The following WASHC5 variants were observed in gnomAD, a reference collection of about 807,000 sequenced individuals.
WASHC5 encodes WASH complex subunit strumpellin.
A neutral mutation model predicts 150.4 loss-of-function variants in WASHC5; 101 were observed. That is an observed-to-expected ratio of 0.67 (90% CI 0.57 to 0.79). WASHC5 has a LOEUF of 0.79. Ranked by LOEUF, WASHC5 falls within the 30% of genes least tolerant of loss-of-function variation. The pLI, the probability that WASHC5 is intolerant of heterozygous loss-of-function variation, is 0.00. For synonymous variants in WASHC5, 467 were observed against 491.2 expected, an observed-to-expected ratio of 0.95 and a Z score of 0.65; for missense variants, 1,195 against 1,396.3, an observed-to-expected ratio of 0.86 and a Z score of 2.30.
At chr8:125,065,905 C>CT (rs1816732972) in intron 10 of WASHC5, among the ~76,000 whole-genome samples, 1 of 152,194 alleles carries the variant, frequency 6.6e-6, no homozygotes, top group Non-Finnish European at 1.5e-5. Flanking sequence ...GTGTGAGCCA[C>CT]TGCACTCGAC....
At chr8:125,064,402 A>G (rs1291868284) in intron 10 of WASHC5, among the ~76,000 whole-genome samples, 1 of 147,332 alleles carries the variant, frequency 6.8e-6, no homozygotes, top group Non-Finnish European at 1.5e-5. Flanking sequence ...TTTTTTTTGC[A>G]GAGATGGGGG....
chr8:125,064,512 G>A (rs1360458358), intron 10 of WASHC5, among the ~76,000 whole-genome samples: 2 of 151,380 alleles, frequency 1.3e-5, no homozygotes, highest in African/African-American at 4.9e-5. Context: ...ATGAGCCACT[G>A]TACCGCCTTA....
In WASHC5 at chr8:125,078,817, T is replaced by C. The variant is rs761542067; in HGVS notation, c.632A>G (p.Tyr211Cys). The change falls in exon 6 of 29, where the codon TAT becomes TGT. Residue 211 changes from tyrosine to cysteine, a missense_variant. This residue lies in a region of WASHC5 where 997 missense variants were observed against 1,168.1 expected (regional missense o/e 0.85). Transcript: ENST00000318410. Reference sequence around the variant, plus strand: ...TTCGTTGATAGGCACTCTCTGGAAATAGCTCTCGGGATAGTTGGATGGTCT... The same window carrying C: ...TTCGTTGATAGGCACTCTCTGGAAACAGCTCTCGGGATAGTTGGATGGTCT... The part of the protein sequence containing the change: ...AKRPSNYPES[Y>C]FQRVPINESF... The C allele has an allele frequency of 7.4e-6, 12 of 1,613,958 alleles. No homozygotes were observed. The highest frequency in any genetic ancestry group is 1.6e-4 in the Middle Eastern group (1 of 6,062).
At chr8:125,037,985 C>T (rs563441567) in intron 25 of WASHC5, among the ~76,000 whole-genome samples, 5 of 152,232 alleles carry the variant, frequency 3.3e-5, no homozygotes, top group African/African-American at 1.2e-4. Context: ...GTCAGACTGC[C>T]TGGCTCCTCC....
chr8:125,032,664 T>C (rs1815576203), intron 26 of WASHC5: 4 of 460,184 alleles, frequency 8.7e-6, no homozygotes, highest in South Asian at 2.1e-5. Flanking sequence ...AATTAACATA[T>C]ATTATTGTAG....
chr8:125,025,002 C>T (rs902713035), intron 28 of WASHC5, among the ~76,000 whole-genome samples: 1 of 152,078 alleles, frequency 6.6e-6, no homozygotes, highest in Admixed American at 6.6e-5. Context: ...ACCTAATACA[C>T]TTCATTAACT....
chr8:125,087,751 AT>A (rs1257326744), intron 1 of WASHC5, among the ~76,000 whole-genome samples: 2 of 142,546 alleles, frequency 1.4e-5, no homozygotes, highest in Admixed American at 7.2e-5. Context: ...AAAAAAAAAA[AT>A]TTTCTCACAT....
intron 1 of WASHC5, among the ~76,000 whole-genome samples, chr8:125,087,192 T>G (rs1248637526): frequency 2.0e-5 from 3 of 152,246 alleles, no homozygotes; most frequent in Non-Finnish European, 4.4e-5. Flanking sequence ...ATATTTCATT[T>G]TCTATAATGC....
At position 125,033,044 on chromosome 8, in the gene WASHC5, T is replaced by C. The variant is rs554662193; in HGVS notation, c.3182-650A>G. Among the ~76,000 whole-genome samples, 12 of 152,198 alleles carry C rather than the reference T, an allele frequency of 7.9e-5. No individual in the cohort carries two copies. The South Asian group carries it at 1.9e-3, about 24-fold the overall frequency. On this transcript the variant is annotated intron_variant, in intron 26 of 28. Coordinates refer to ENST00000318410, the MANE Select transcript of WASHC5 (RefSeq NM_014846.4). ...AATTCCAGGGCTCAAGCTGGGACTA[T>C]AGGTGTGTACCACTGCACCTGGCTC...
At chr8:125,073,410 G>A in intron 8 of WASHC5, 86 bp from the exon 9 acceptor site, 1 of 1,119,354 alleles carries the variant, frequency 8.9e-7, no homozygotes, top group Non-Finnish European at 1.3e-6. Flanking sequence ...CTGACAAATA[G>A]TAACATTTCT....
chr8:125,025,232 G>C (rs1406651590), intron 28 of WASHC5, among the ~76,000 whole-genome samples: 1 of 150,888 alleles, frequency 6.6e-6, no homozygotes, highest in African/African-American at 2.5e-5. Flanking sequence ...TGCTGGAGAT[G>C]AGTATTTTTT....
chr8:125,025,858 A>AC (rs10705586), intron 28 of WASHC5, among the ~76,000 whole-genome samples: 5 of 151,708 alleles, frequency 3.3e-5, no homozygotes, highest in African/African-American at 1.2e-4. Context: ...ACACACACAC[A>AC]ATCAAAATTA....
At position 125,059,543 on chromosome 8, in the gene WASHC5, CTG is replaced by C. The variant is rs767093657; in HGVS notation, c.1522-3_1522-2del. On this transcript the variant is annotated splice_acceptor_variant and splice_polypyrimidine_tract_variant and intron_variant, in intron 12 of 28. Transcript: ENST00000318410. LOFTEE classifies it high-confidence loss of function. ...ATTCCAACTGGTGGAATTCTTGAAC[CTG>C]TGTTACAGAAATATACTTAATTTAA... 28 of 1,611,518 alleles carry C rather than the reference CTG, an allele frequency of 1.7e-5. No individual in the cohort carries two copies. Among genetic ancestry groups the C allele is most frequent in the Non-Finnish European group, 2.4e-5 (28 of 1,178,044 alleles).
chr8:125,063,395 C>A, intron 11 of WASHC5, 127 bp downstream of exon 11: 1 of 1,058,980 alleles, frequency 9.4e-7, no homozygotes. Context: ...ATTAGCAACA[C>A]TAAAGATGGA....
intron 17 of WASHC5, among the ~76,000 whole-genome samples, chr8:125,052,996 A>G (rs1485449853): frequency 6.6e-6 from 1 of 152,216 alleles, no homozygotes; most frequent in Non-Finnish European, 1.5e-5. Flanking sequence ...TTTTATAATA[A>G]AGTATTGAAT....
chr8:125,059,521 C>G lies in WASHC5; in HGVS notation c.1543G>C (p.Glu515Gln), dbSNP rs1394493824. 5.6e-6 allele frequency: 9 copies of G among 1,613,650 alleles called. No individual in the cohort carries two copies. The highest frequency in any genetic ancestry group is 6.8e-6 in the Non-Finnish European group (8 of 1,179,860). ...AACTGACATACTTGCAGATTGGATT[C>G]CAACTGGTGGAATTCTTGAACCTGT... ...LEEVQEFHQL[E>Q]SNLQVCQFLA... Residue 515 changes from glutamate (E) to glutamine (Q), a missense_variant, in exon 13 of 29, where the codon GAA becomes CAA. Coordinates refer to ENST00000318410, the MANE Select transcript of WASHC5 (RefSeq NM_014846.4).
At position 125,043,849 on chromosome 8, in the gene WASHC5, A is replaced by G. The variant is rs774756574; in HGVS notation, c.2826T>C (p.Thr942=). ...CCTTCATTATAGCCTCGAGATACGC[A>G]GTCCAAATCTTCTGTGTTTTGGCAA... ...SAIAKTQKIW[T]AYLEAIMKVG... The change falls in exon 23 of 29, where the codon ACT becomes ACC. Residue 942 remains threonine, a synonymous_variant. Transcript: ENST00000318410. 1 of 1,611,888 alleles carries G rather than the reference A, an allele frequency of 6.2e-7. No homozygotes were observed. Among genetic ancestry groups the G allele is most frequent in the South Asian group, 1.1e-5 (1 of 91,040 alleles).
chr8:125,047,718 G>T (rs375389324), intron 19 of WASHC5, among the ~76,000 whole-genome samples: 1 of 152,064 alleles, frequency 6.6e-6, no homozygotes, highest in Non-Finnish European at 1.5e-5. Context: ...GATTATAGGC[G>T]TGTGCCAGGT....
chr8:125,068,981 A>G (rs975894024), intron 9 of WASHC5, among the ~76,000 whole-genome samples: 1 of 152,294 alleles, frequency 6.6e-6, no homozygotes, highest in Non-Finnish European at 1.5e-5. Context: ...AGTAAGTAGA[A>G]TAAGGCAAAA....
Sources: gnomAD v4.1 joint callset for allele counts (sites outside exome capture counted in the v4.1 genomes callset) on GRCh38, gnomAD v4.1.1 for gene constraint, gnomAD v4.1.1 regional missense constraint, MANE v1.5 for transcripts, NCBI Gene and HGNC (gene_info 2026-07-23, HGNC 2026-07-21) for gene names.